Variants in PDCL2 observed in about 807,000 individuals in gnomAD.
The protein encoded by PDCL2 is phosducin-like protein 2.
A neutral mutation model predicts 30.3 loss-of-function variants in PDCL2; 23 were observed. The ratio of observed to expected loss-of-function variants is 0.76; its 90% confidence interval spans 0.55 to 1.08. The LOEUF (loss-of-function observed/expected upper bound fraction) is 1.08. PDCL2 is among the 50% of genes least tolerant of loss of function. The probability of loss-of-function intolerance (pLI) is 0.00; values close to 1 mark genes in which losing one functional copy is unlikely to be tolerated. For missense variants in PDCL2, 243 were observed against 282.3 expected (o/e 0.86, Z 1.00); for synonymous variants, 68 against 86.2 (o/e 0.79, Z 1.17).
chr4:55,572,829 G>A (rs534482304), intron 3 of PDCL2, among the ~76,000 whole-genome samples: 40 of 152,038 alleles, frequency 2.6e-4, no homozygotes, highest in African/African-American at 8.7e-4. Flanking sequence ...GGGTGATCTC[G>A]GCTCACTGTA....
At chr4:55,581,237 G>A (rs1732701808) in intron 2 of PDCL2, among the ~76,000 whole-genome samples, 1 of 152,078 alleles carries the variant, frequency 6.6e-6, no homozygotes, top group African/African-American at 2.4e-5. Flanking sequence ...TGAGTTTGCA[G>A]TGAGCTGAGA....
chr4:55,560,236 CT>C (rs1732099214), intron 5 of PDCL2, among the ~76,000 whole-genome samples: 3 of 151,596 alleles, frequency 2.0e-5, no homozygotes, highest in Admixed American at 6.6e-5. Context: ...GTTTTTGCCC[CT>C]AAGGAAGCAG....
intron 2 of PDCL2, among the ~76,000 whole-genome samples, chr4:55,581,600 GCT>G (rs1350317098): frequency 2.0e-5 from 3 of 152,202 alleles, no homozygotes; most frequent in African/African-American, 4.8e-5. Flanking sequence ...GGATATTTCA[GCT>G]CTGTTATTAG....
intron 3 of PDCL2, among the ~76,000 whole-genome samples, chr4:55,570,535 A>G (rs1732394570): frequency 6.6e-6 from 1 of 152,150 alleles, no homozygotes; most frequent in Non-Finnish European, 1.5e-5. Flanking sequence ...ATCTCTCTAC[A>G]CTTCAGTTTC....
At chr4:55,590,801 T>G (rs940808761) in intron 1 of PDCL2, among the ~76,000 whole-genome samples, 1 of 152,118 alleles carries the variant, frequency 6.6e-6, no homozygotes, top group African/African-American at 2.4e-5. Flanking sequence ...GGCCATGAAA[T>G]TTTATCTAAC....
chr4:55,565,973 G>GTTTTTTTT (rs71194595), intron 4 of PDCL2, among the ~76,000 whole-genome samples: 59 of 74,492 alleles, frequency 7.9e-4, no homozygotes, highest in East Asian at 1.4e-3. Context: ...CCATTTTTCT[G>GTTTTTTTT]TTTTTTTTTT....
intron 2 of PDCL2, 124 bp from the exon 3 acceptor site, chr4:55,581,035 A>T: frequency 3.2e-6 from 2 of 617,120 alleles, no homozygotes; most frequent in Non-Finnish European, 5.2e-6. Context: ...GCCGGGTGCG[A>T]TGGAATCCCA....
In PDCL2 at chr4:55,569,831, A is replaced by C. The variant is rs1202939276; in HGVS notation, c.249T>G (p.Leu83=). ...ATTCTCCAAATTTTTGTTTTTTCTT[A>C]AGAGCTTTCCATTCCTGTAACCGCT... ...RKKRLQEWKA[L]KKKQKFGELR... The change falls in exon 4 of 6, where the codon CTT becomes CTG. Residue 83 remains leucine, a synonymous_variant. Coordinates refer to ENST00000295645, the MANE Select transcript of PDCL2 (RefSeq NM_152401.3). 6.5e-7 allele frequency: 1 copy of C among 1,549,112 alleles called. No individual in the cohort carries two copies.
chr4:55,565,887 A>C (rs961286066), intron 4 of PDCL2, among the ~76,000 whole-genome samples: 18 of 150,598 alleles, frequency 1.2e-4, no homozygotes, highest in African/African-American at 4.2e-4. Context: ...GGCAAAATGA[A>C]CCCATTGTGT....
At chr4:55,573,260 C>T (rs1212282666) in intron 3 of PDCL2, among the ~76,000 whole-genome samples, 1 of 152,158 alleles carries the variant, frequency 6.6e-6, no homozygotes, top group East Asian at 1.9e-4. Context: ...AAACAATATA[C>T]TGCAGATTTG....
At chr4:55,565,333 C>T (rs777549899) in intron 4 of PDCL2, among the ~76,000 whole-genome samples, 22 of 152,092 alleles carry the variant, frequency 1.4e-4, no homozygotes, top group Admixed American at 1.2e-3. Context: ...TAAAGACATA[C>T]CCAAGGCTGG....
At position 55,562,470 on chromosome 4, in the gene PDCL2, T is replaced by A; in HGVS notation, c.505A>T (p.Asn169Tyr). The A allele has an allele frequency of 6.4e-7, 1 of 1,551,626 alleles. No homozygotes were observed. The highest frequency in any genetic ancestry group is 8.7e-7 in the Non-Finnish European group (1 of 1,150,022). Residue 169 changes from asparagine (N) to tyrosine (Y), a missense_variant, in exon 5 of 6, where the codon AAT becomes TAT. Physicochemically the swap from Asn to Tyr is moderately radical, Grantham distance 143. Coordinates refer to ENST00000295645, the MANE Select transcript of PDCL2 (RefSeq NM_152401.3). ...ATGAATTTGGCTTCTATCTGACCAT[T>A]TTTATACACAAAAATTGTTGGTAAA... Reference protein sequence around the residue: ...NCLPTIFVYKNGQIEAKFIGI... With the variant: ...NCLPTIFVYKYGQIEAKFIGI...
intron 1 of PDCL2, among the ~76,000 whole-genome samples, chr4:55,591,286 T>C (rs12505286): frequency 0.026 from 3,880 of 151,094 alleles, 61 homozygotes; most frequent in South Asian, 0.07. Context: ...ACAATTTTAC[T>C]GTACCAAAAA....
At chr4:55,581,948 C>A (rs1010544972) in intron 2 of PDCL2, among the ~76,000 whole-genome samples, 169 bp downstream of exon 2, 2 of 152,158 alleles carry the variant, frequency 1.3e-5, no homozygotes, top group African/African-American at 4.8e-5. Context: ...ACCTCGTGAT[C>A]CGCTGGCCTC....
rs574669952 is a variant in PDCL2, at chr4:55,589,635, C to G, written c.6+2469G>C. Among the ~76,000 whole-genome samples the G allele has an allele frequency of 7.2e-5, 11 of 152,312 alleles. No individual in the cohort carries two copies. The South Asian group carries it at 2.3e-3, about 32-fold the overall frequency. On this transcript the variant is annotated intron_variant, in intron 1 of 5. Transcript: ENST00000295645. ...CTCCCATCCTTTGATGGACCAAACC[C>G]TTTGGTTCCACCTCAAATAATTTTC...
chr4:55,576,490 T>A (rs1732570600), intron 3 of PDCL2, among the ~76,000 whole-genome samples: 1 of 152,190 alleles, frequency 6.6e-6, no homozygotes, highest in South Asian at 2.1e-4. Flanking sequence ...GCACAATATA[T>A]AACAATGTAG....
At chr4:55,562,654 T>G in intron 4 of PDCL2, 42 bp from the exon 5 acceptor site, 1 of 1,323,924 alleles carries the variant, frequency 7.6e-7, no homozygotes, top group Non-Finnish European at 1.0e-6. Flanking sequence ...ATAAATGGGC[T>G]ACTCATCTCA....
chr4:55,573,608 G>A (rs976480328), intron 3 of PDCL2, among the ~76,000 whole-genome samples: 6 of 151,820 alleles, frequency 4.0e-5, no homozygotes, highest in African/African-American at 7.3e-5. Flanking sequence ...AAAATTAGCC[G>A]GGCGTGGTAG....
rs562925293 is a variant in PDCL2 at position 55,569,804 on chromosome 4, T to C, written c.276A>G (p.Leu92=). 14 of 1,563,008 alleles carry C rather than the reference T, an allele frequency of 9.0e-6. No homozygotes were observed. Among genetic ancestry groups the C allele is most frequent in the African/African-American group, 4.1e-5 (3 of 73,940 alleles). Residue 92 remains leucine (L), a synonymous_variant, in exon 4 of 6, where the codon TTA becomes TTG. Coordinates refer to ENST00000295645, the MANE Select transcript of PDCL2 (RefSeq NM_152401.3). ...ALKKKQKFGE[L]REISGNQYVN... The stretch of plus-strand genomic sequence containing the variant: ...CATACTGATTTCCAGAAATTTCTCT[T>C]AATTCTCCAAATTTTTGTTTTTTCT...
Sources: gnomAD v4.1 joint callset for allele counts (sites outside exome capture counted in the v4.1 genomes callset) on GRCh38, gnomAD v4.1.1 for gene constraint, MANE v1.5 for transcripts, NCBI Gene and HGNC (gene_info 2026-07-23, HGNC 2026-07-21) for gene names.